Variants in LZTFL1 observed in about 807,000 individuals in gnomAD.
LZTFL1 encodes the protein leucine zipper transcription factor like 1, also known as leucine zipper transcription factor-like protein 1.
Under a neutral mutation model 45.9 loss-of-function variants are expected in LZTFL1, and 25 were observed. That is an observed-to-expected ratio of 0.54 (90% CI 0.40 to 0.76). LZTFL1 has a LOEUF of 0.76. Among genes scored for constraint, LZTFL1 ranks in the 30% least tolerant of loss-of-function variants. The pLI is 0.00. For synonymous variants in LZTFL1, 93 were observed against 117.4 expected (o/e 0.79, Z 1.35); for missense variants, 277 against 331.1 (o/e 0.84, Z 1.27).
Position 45,824,211 on chromosome 3 carries a change from A to T in LZTFL1, c.*2103T>A, listed in dbSNP as rs1360244891. 6.6e-6 allele frequency: 1 copy of T among 152,194 alleles called. No homozygotes were observed. 9.4% of individuals were successfully genotyped at this position (152,194 alleles called of 1,614,324 possible). On this transcript the variant is annotated 3_prime_UTR_variant, in exon 10 of 10. Transcript: ENST00000296135. The stretch of plus-strand genomic sequence containing the variant: ...GTCTGGCTTAGCACATCAAAAGTCT[A>T]ATCAAGGCTCAAACCACCATCCTTA...
At chr3:45,909,582 C>A (rs1178640088) in intron 2 of LZTFL1, among the ~76,000 whole-genome samples, 1 of 152,226 alleles carries the variant, frequency 6.6e-6, no homozygotes, top group Non-Finnish European at 1.5e-5. Context: ...AACTCATGCT[C>A]TTATCCTTAT....
chr3:45,876,892 G>A (rs1701756070), intron 2 of LZTFL1, among the ~76,000 whole-genome samples: 1 of 152,164 alleles, frequency 6.6e-6, no homozygotes, highest in African/African-American at 2.4e-5. Context: ...GGCTGGGTTA[G>A]TCACAGGACT....
chr3:45,841,206 A>G (rs933840592), intron 1 of LZTFL1, among the ~76,000 whole-genome samples: 1 of 152,216 alleles, frequency 6.6e-6, no homozygotes, highest in Non-Finnish European at 1.5e-5. Flanking sequence ...CTTGGAACAC[A>G]GTGTGGACTA....
At chr3:45,873,792 T>C (rs993996117) in intron 2 of LZTFL1, among the ~76,000 whole-genome samples, 4 of 152,148 alleles carry the variant, frequency 2.6e-5, no homozygotes, top group Non-Finnish European at 5.9e-5. Flanking sequence ...CCACAAGCTG[T>C]TCACTCCTTC....
At chr3:45,866,931 T>C (rs112259736) in intron 2 of LZTFL1, among the ~76,000 whole-genome samples, 2,106 of 152,190 alleles carry the variant, frequency 0.014, 49 homozygotes, top group African/African-American at 0.048. Flanking sequence ...GCGGATCACT[T>C]GAGGTCAGGA....
intron 2 of LZTFL1, among the ~76,000 whole-genome samples, chr3:45,871,671 TGCA>T (rs1701672399): frequency 3.7e-5 from 4 of 108,654 alleles, no homozygotes; most frequent in African/African-American, 2.8e-4. Context: ...TATGTGTATG[TGCA>T]TTTTTTTTTT....
intron 2 of LZTFL1, among the ~76,000 whole-genome samples, chr3:45,879,835 A>T (rs975493869): frequency 2.6e-5 from 4 of 152,230 alleles, no homozygotes; most frequent in African/African-American, 9.6e-5. Context: ...AAGCCTATTT[A>T]AAAAACCCAA....
intron 2 of LZTFL1, among the ~76,000 whole-genome samples, chr3:45,836,642 G>A (rs968412133): frequency 6.6e-6 from 1 of 152,148 alleles, no homozygotes; most frequent in African/African-American, 2.4e-5. Context: ...GCGACAAAGT[G>A]AGACTCCGTC....
intron 4 of LZTFL1, among the ~76,000 whole-genome samples, chr3:45,847,422 G>T (rs1372810539): frequency 2.6e-5 from 4 of 152,270 alleles, no homozygotes; most frequent in Middle Eastern, 3.4e-3. Flanking sequence ...TGTGCAATGA[G>T]CCTTAAAGGT....
rs1700732578 is a variant in LZTFL1 at position 45,828,632 on chromosome 3, C to T, written c.601-17G>A. The T allele has an allele frequency of 6.4e-7, 1 of 1,574,340 alleles. No individual in the cohort carries two copies. The highest frequency in any genetic ancestry group is 2.2e-5 in the East Asian group (1 of 44,680). ...TATAAAATCCTATGAAAAATAAATG[C>T]ATGCATGTAATTTCATGTTGATATT... On this transcript the variant is annotated splice_polypyrimidine_tract_variant and intron_variant, in intron 7 of 9. Coordinates refer to ENST00000296135, the MANE Select transcript of LZTFL1 (RefSeq NM_020347.4).
At chr3:45,869,761 T>C (rs1231762810) in intron 2 of LZTFL1, among the ~76,000 whole-genome samples, 1 of 152,158 alleles carries the variant, frequency 6.6e-6, no homozygotes, top group Admixed American at 6.5e-5. Flanking sequence ...TAAAAAGAAA[T>C]TCAGGTATGT....
Position 45,901,672 on chromosome 3 carries a change from T to G in LZTFL1, c.-215+11448A>C, listed in dbSNP as rs1175259857. ...TCCAACTGTGCCGTTTCCACCAACA[T>G]TGACATCTGCTTCCAGGTCACCCAG... On this transcript the variant is annotated intron_variant, in intron 2 of 4. Transcript: ENST00000472635. The surrounding 1 kb of genome is among the most constrained non-coding windows in gnomAD (Gnocchi z 4.3). 6.2e-7 allele frequency: 1 copy of G among 1,613,880 alleles called. No homozygotes were observed. The highest frequency in any genetic ancestry group is 8.5e-7 in the Non-Finnish European group (1 of 1,179,834).
rs45530037 is a variant in LZTFL1, at chr3:45,901,062, A to G, written c.-215+12058T>C. 14,316 of 1,614,156 alleles carry G rather than the reference A, an allele frequency of 8.9e-3. 78 individuals are homozygous for G. Among genetic ancestry groups the G allele is most frequent in the Non-Finnish European group, 0.011 (12,686 of 1,180,026 alleles). ...CGACATGTTCCTTTTGAATTTGGCA[A>G]TTGCTGACCTCCTCTTTCTTGTCAC... On this transcript the variant is annotated intron_variant, in intron 2 of 4. Coordinates refer to the LZTFL1 transcript ENST00000472635. This position sits in a 1 kb window ranked among gnomAD's most constrained non-coding sequence, Gnocchi z 4.3.
intron 2 of LZTFL1, among the ~76,000 whole-genome samples, chr3:45,887,853 T>C (rs1702029872): frequency 6.6e-6 from 1 of 152,214 alleles, no homozygotes; most frequent in South Asian, 2.1e-4. Context: ...TCAGAGACCC[T>C]GCCTCGTGTA....
chr3:45,872,378 C>T (rs568129394), intron 2 of LZTFL1, among the ~76,000 whole-genome samples: 4 of 152,194 alleles, frequency 2.6e-5, no homozygotes, highest in African/African-American at 9.6e-5. Flanking sequence ...GGGAGAGGTC[C>T]GGACATTTTA....
intron 2 of LZTFL1, among the ~76,000 whole-genome samples, chr3:45,873,698 T>C (rs986801065): frequency 2.0e-5 from 3 of 152,182 alleles, no homozygotes; most frequent in African/African-American, 7.2e-5. Flanking sequence ...CTCTTTTCTC[T>C]GGAAGACCTC....
At chr3:45,841,918 C>G in intron 1 of LZTFL1, 71 bp downstream of exon 1, 1 of 1,573,116 alleles carries the variant, frequency 6.4e-7, no homozygotes, top group Non-Finnish European at 8.7e-7. Flanking sequence ...CGGGCCCACC[C>G]GCTCAGTGTC....
At chr3:45,871,636 T>C (rs971777705) in intron 2 of LZTFL1, among the ~76,000 whole-genome samples, 2 of 151,826 alleles carry the variant, frequency 1.3e-5, no homozygotes, top group Non-Finnish European at 2.9e-5. Flanking sequence ...ATGGCTTGCA[T>C]AGAAATAGAG....
At chr3:45,890,291 A>ACATATATATAT (rs1575293702) in intron 2 of LZTFL1, among the ~76,000 whole-genome samples, 1 of 116,752 alleles carries the variant, frequency 8.6e-6, no homozygotes, top group East Asian at 2.0e-4. Context: ...TATTTATATA[A>ACATATATATAT]ATATATATAT....
Sources: gnomAD v4.1 joint callset for allele counts (sites outside exome capture counted in the v4.1 genomes callset) on GRCh38, gnomAD v4.1.1 for gene constraint, Gnocchi (gnomAD v3.1) non-coding constraint, MANE v1.5 for transcripts, NCBI Gene and HGNC (gene_info 2026-07-23, HGNC 2026-07-21) for gene names.